PNPLA1: variants seen among roughly 807,000 people sequenced by gnomAD.
PNPLA1 encodes the protein omega-hydroxyceramide transacylase.
PNPLA1 carries 36 observed loss-of-function variants against 51.7 expected under a neutral mutation model. That is an observed-to-expected ratio of 0.70 (90% CI 0.53 to 0.92). The LOEUF (loss-of-function observed/expected upper bound fraction) is 0.92. Among genes scored for constraint, PNPLA1 ranks in the 40% least tolerant of loss-of-function variants. PNPLA1 has a pLI of 0.00. For synonymous variants in PNPLA1, 293 were observed against 280.1 expected (o/e 1.05, Z -0.46); for missense variants, 658 against 682.5 (o/e 0.96, Z 0.40).
intron 1 of PNPLA1, among the ~76,000 whole-genome samples, chr6:36,258,150 A>G (rs1210358105): frequency 6.6e-6 from 1 of 152,168 alleles, no homozygotes; most frequent in Non-Finnish European, 1.5e-5. Context: ...AGTTTAGATA[A>G]TTTAGCCTTA....
intron 5 of PNPLA1, among the ~76,000 whole-genome samples, chr6:36,300,309 C>T (rs997729393): frequency 4.6e-5 from 7 of 151,160 alleles, no homozygotes; most frequent in South Asian, 2.1e-4. Context: ...ATTCTCCTGC[C>T]TCAGCCTCCC....
intron 5 of PNPLA1, among the ~76,000 whole-genome samples, chr6:36,296,779 C>T (rs1191611531): frequency 6.6e-6 from 1 of 152,114 alleles, no homozygotes; most frequent in African/African-American, 2.4e-5. Flanking sequence ...CCCCATCCCA[C>T]CCACAAGCTG....
chr6:36,308,932 C>T (rs1299897463), intron 8 of PNPLA1, among the ~76,000 whole-genome samples: 2 of 152,172 alleles, frequency 1.3e-5, no homozygotes, highest in Non-Finnish European at 2.9e-5. Context: ...GAGTTGGAGT[C>T]TGGGCTGGGC....
chr6:36,306,292 C>G lies in PNPLA1; in HGVS notation c.1385C>G (p.Ala462Gly). Reference protein sequence around the residue: ...VEELGQEQPQAVALLVSSKPK... With the variant: ...VEELGQEQPQGVALLVSSKPK... ...CCGTTTCCTATATCTTTACTTTTAG[C>G]TGTAGCTCTTCTTGTCTCTTCAAAA... is the stretch of plus-strand genomic sequence containing the variant. The change falls in exon 7 of 9, where the codon GCT (alanine) becomes GGT (glycine). Residue 462 changes from alanine (A) to glycine (G), a missense_variant and splice_region_variant. By Grantham distance (60) the Ala-to-Gly change is moderately conservative. Coordinates refer to ENST00000636260, the MANE Select transcript of PNPLA1 (RefSeq NM_001374623.1). 1 of 1,609,550 alleles carries G rather than the reference C, an allele frequency of 6.2e-7. No homozygotes were observed. Among genetic ancestry groups the G allele is most frequent in the South Asian group, 1.1e-5 (1 of 90,288 alleles).
intron 6 of PNPLA1, 63 bp downstream of exon 6, chr6:36,302,532 G>A: frequency 6.6e-7 from 1 of 1,507,916 alleles, no homozygotes; most frequent in Non-Finnish European, 8.8e-7. Flanking sequence ...AAGCGAGCAA[G>A]GACACCAGGG....
intron 3 of PNPLA1, among the ~76,000 whole-genome samples, chr6:36,293,805 C>T (rs1395920857): frequency 1.3e-5 from 2 of 152,132 alleles, no homozygotes; most frequent in East Asian, 3.8e-4. Context: ...AAACAGAAGC[C>T]CCAGAAAGGA....
rs369902772 is a variant in PNPLA1, at chr6:36,291,389, C to G, written c.275C>G (p.Pro92Arg). 6.2e-7 allele frequency: 1 copy of G among 1,614,150 alleles called. No individual in the cohort carries two copies. The highest frequency in any genetic ancestry group is 2.2e-5 in the East Asian group (1 of 44,872). ...AAATCCTTCCTGGGGCCCTTGTCCCCGTCCTGTAAGATGGTGCAGATGATG... is the reference window on the plus strand; with the variant it reads ...AAATCCTTCCTGGGGCCCTTGTCCCGGTCCTGTAAGATGGTGCAGATGATG... ...VKKSFLGPLSPSCKMVQMMRQ... is the reference protein window; with the variant it reads ...VKKSFLGPLSRSCKMVQMMRQ... Residue 92 changes from proline to arginine, a missense_variant, in exon 2 of 9, where the codon CCG (proline) becomes CGG (arginine). Physicochemically the swap from Pro to Arg is moderately radical, Grantham distance 103 (BLOSUM62 -2). Transcript: ENST00000636260.
chr6:36,282,125 G>T (rs1282511703), intron 1 of PNPLA1, among the ~76,000 whole-genome samples: 1 of 119,538 alleles, frequency 8.4e-6, no homozygotes, highest in Non-Finnish European at 1.9e-5. Context: ...AGGAAGGAAG[G>T]AAGGAAGGAA....
rs1770782312 is a variant in PNPLA1 at position 36,294,238 on chromosome 6, A to G, written c.553A>G (p.Thr185Ala). ...GGGCATGCAGCCCTGTGCCTTCTGG[A>G]CCGACGCCATCACCATCTCCACCTT... Reference protein sequence around the residue: ...FTGMQPCAFWTDAITISTFSG... With the variant: ...FTGMQPCAFWADAITISTFSG... The change falls in exon 4 of 9, where the codon ACC (threonine) becomes GCC (alanine). Residue 185 changes from threonine (T) to alanine (A), a missense_variant. Coordinates refer to ENST00000636260, the MANE Select transcript of PNPLA1 (RefSeq NM_001374623.1). The surrounding 1 kb of genome is among the most constrained non-coding windows in gnomAD (Gnocchi z 4.2). 2 of 1,614,200 alleles carry G rather than the reference A, an allele frequency of 1.2e-6. No homozygotes were observed. The highest frequency in any genetic ancestry group is 1.7e-6 in the Non-Finnish European group (2 of 1,180,032).
At chr6:36,273,959 G>A (rs1582051537) in intron 1 of PNPLA1, among the ~76,000 whole-genome samples, 1 of 152,110 alleles carries the variant, frequency 6.6e-6, no homozygotes, top group Admixed American at 6.6e-5. Flanking sequence ...CCAGGGAAGG[G>A]TGAGGGAGGT....
chr6:36,261,297 C>T (rs994157769), intron 1 of PNPLA1, among the ~76,000 whole-genome samples: 2 of 152,176 alleles, frequency 1.3e-5, no homozygotes, highest in East Asian at 1.9e-4. Flanking sequence ...TTTTTCTGAC[C>T]ACCATGAATG....
At chr6:36,305,177 G>A (rs1464984733) in intron 6 of PNPLA1, among the ~76,000 whole-genome samples, 1 of 152,086 alleles carries the variant, frequency 6.6e-6, no homozygotes, top group Non-Finnish European at 1.5e-5. Flanking sequence ...TTAAAACATT[G>A]TGAGATTTTT....
intron 5 of PNPLA1, among the ~76,000 whole-genome samples, chr6:36,301,306 A>G (rs1561870411): frequency 6.6e-6 from 1 of 152,046 alleles, no homozygotes; most frequent in Non-Finnish European, 1.5e-5. Context: ...CCCCTGCCTA[A>G]AAGTCATGCT....
chr6:36,280,225 T>C (rs1770238381), intron 1 of PNPLA1, among the ~76,000 whole-genome samples: 1 of 151,960 alleles, frequency 6.6e-6, no homozygotes, highest in African/African-American at 2.4e-5. Context: ...AACAAAAACA[T>C]AGATGACTGG....
chr6:36,256,304 A>G (rs1769531651), intron 1 of PNPLA1, among the ~76,000 whole-genome samples: 1 of 152,130 alleles, frequency 6.6e-6, no homozygotes, highest in South Asian at 2.1e-4. Flanking sequence ...CAGCCTGGGC[A>G]ACATAGGAAG....
chr6:36,258,998 C>T (rs1408746065), intron 1 of PNPLA1, among the ~76,000 whole-genome samples: 2 of 152,228 alleles, frequency 1.3e-5, no homozygotes, highest in African/African-American at 2.4e-5. Flanking sequence ...GGTCACAATG[C>T]TCAGTGTGCT....
At chr6:36,276,084 G>A (rs890677973) in intron 1 of PNPLA1, among the ~76,000 whole-genome samples, 13 of 151,812 alleles carry the variant, frequency 8.6e-5, no homozygotes, top group African/African-American at 1.9e-4. Flanking sequence ...TCAGCCTCCC[G>A]AGTAGCTGGG....
Position 36,293,925 on chromosome 6 carries a change from C to T in PNPLA1, c.505-265C>T, listed in dbSNP as rs575928124. Among the ~76,000 whole-genome samples, 44 of 152,252 alleles carry T rather than the reference C, an allele frequency of 2.9e-4. 1 individual carries two copies. The highest frequency in any genetic ancestry group is 3.4e-3 in the Middle Eastern group (1 of 294). On this transcript the variant is annotated intron_variant, in intron 3 of 8. Coordinates refer to ENST00000636260, the MANE Select transcript of PNPLA1 (RefSeq NM_001374623.1). ...AGAGCCCTGGGAGCCCCAGTCTCAGCGCCACTAAGATAGTGGAGGGAGGAT... is the reference window on the plus strand; with the variant it reads ...AGAGCCCTGGGAGCCCCAGTCTCAGTGCCACTAAGATAGTGGAGGGAGGAT...
chr6:36,269,677 G>A (rs1769849898), upstream of PNPLA1, among the ~76,000 whole-genome samples: 1 of 152,232 alleles, frequency 6.6e-6, no homozygotes, highest in Admixed American at 6.5e-5. Context: ...GGGCCCAGGA[G>A]AAGAAACAGA....
Sources: allele counts gnomAD v4.1 joint callset (sites outside exome capture counted in the v4.1 genomes callset), GRCh38; gene constraint gnomAD v4.1.1; non-coding constraint Gnocchi (gnomAD v3.1); transcripts MANE v1.5; gene names NCBI Gene and HGNC (gene_info 2026-07-23, HGNC 2026-07-21).